TRPA1: variants seen among roughly 807,000 people sequenced by gnomAD.
The protein encoded by TRPA1 is transient receptor potential cation channel subfamily A member 1, also known as ankyrin-like with transmembrane domains 1.
A neutral mutation model predicts 131.3 loss-of-function variants in TRPA1; 129 were observed. That is an observed-to-expected ratio of 0.98 (90% CI 0.85 to 1.14). The LOEUF (loss-of-function observed/expected upper bound fraction) is 1.14, where lower values mean the gene tolerates loss of function less well. TRPA1 is among the 50% of genes most tolerant of loss of function. TRPA1 has a pLI of 0.00. For synonymous variants in TRPA1, 441 were observed against 451.7 expected, an observed-to-expected ratio of 0.98 and a Z score of 0.30; for missense variants, 1,304 against 1,354.2, an observed-to-expected ratio of 0.96 and a Z score of 0.58.
At chr8:72,079,312 A>T (rs1385021161), upstream of TRPA1, among the ~76,000 whole-genome samples, 1 of 152,122 alleles carries the variant, frequency 6.6e-6, no homozygotes, top group Non-Finnish European at 1.5e-5. Flanking sequence ...TTCAAAATTA[A>T]AAAGCTTCTC....
rs573219551 is a variant in TRPA1 at position 72,046,515 on chromosome 8, T to A, written c.2059A>T (p.Asn687Tyr). The A allele has an allele frequency of 6.0e-5, 93 of 1,558,882 alleles. No individual in the cohort carries two copies. The highest frequency in any genetic ancestry group is 7.7e-5 in the Non-Finnish European group (88 of 1,139,168). The change falls in exon 17 of 27, where the codon AAC becomes TAC. Residue 687 changes from asparagine (N) to tyrosine (Y), a missense_variant and splice_region_variant. Physicochemically the swap from Asn to Tyr is moderately radical, Grantham distance 143. Coordinates refer to ENST00000262209, the MANE Select transcript of TRPA1 (RefSeq NM_007332.3). ...GATAATGAAAACATTGAACTTACGT[T>A]GAGGGCTGTAAGCGGTTCATATATA... is the stretch of plus-strand genomic sequence containing the variant. The part of the protein sequence containing the change: ...DVIYEPLTAL[N>Y]AMVQNNRIEL...
chr8:72,028,089 C>T (rs1811670768), intron 24 of TRPA1, among the ~76,000 whole-genome samples: 1 of 152,168 alleles, frequency 6.6e-6, no homozygotes, highest in Non-Finnish European at 1.5e-5. Flanking sequence ...CATATCCATA[C>T]ACCTGGAGTC....
chr8:72,038,161 C>A, intron 19 of TRPA1, 89 bp from the exon 20 acceptor site: 1 of 632,386 alleles, frequency 1.6e-6, no homozygotes. Flanking sequence ...TTTCTTTTTT[C>A]TTTTTTTTTT....
At chr8:72,028,210 C>T (rs186431338) in intron 24 of TRPA1, among the ~76,000 whole-genome samples, 1 of 152,204 alleles carries the variant, frequency 6.6e-6, no homozygotes, top group African/African-American at 2.4e-5. Flanking sequence ...ATTTTCATTG[C>T]AGAAGGGCTG....
At chr8:72,084,721 G>T in the TRPA1 span, among the ~76,000 whole-genome samples, 1 of 129,090 alleles carries the variant, frequency 7.7e-6, no homozygotes, top group Admixed American at 9.1e-5. Flanking sequence ...GCATGATCTT[G>T]ACTCACTGCA....
chr8:72,047,479 A>G (rs1805364489), intron 15 of TRPA1, among the ~76,000 whole-genome samples: 1 of 152,164 alleles, frequency 6.6e-6, no homozygotes, highest in African/African-American at 2.4e-5. Flanking sequence ...TCTAGGCAAG[A>G]GATATTCCAC....
intron 24 of TRPA1, among the ~76,000 whole-genome samples, chr8:72,029,070 A>T (rs1175018921): frequency 1.3e-5 from 2 of 152,214 alleles, no homozygotes; most frequent in Non-Finnish European, 2.9e-5. Context: ...TATGACAGGA[A>T]GGCACCTCAC....
At chr8:72,067,410 T>C (rs1215954797) in intron 3 of TRPA1, among the ~76,000 whole-genome samples, 1 of 152,162 alleles carries the variant, frequency 6.6e-6, no homozygotes, top group Non-Finnish European at 1.5e-5. Flanking sequence ...TACTTAGAAC[T>C]CTATTTTTCT....
chr8:72,070,239 T>C (rs927149480), intron 2 of TRPA1, among the ~76,000 whole-genome samples: 16 of 152,166 alleles, frequency 1.1e-4, no homozygotes, highest in African/African-American at 2.4e-4. Flanking sequence ...CTTGGAACCA[T>C]ATAGCCATGT....
intron 14 of TRPA1, among the ~76,000 whole-genome samples, chr8:72,051,704 C>T (rs188974908): frequency 1.9e-4 from 29 of 152,012 alleles, no homozygotes; most frequent in African/African-American, 5.1e-4. Flanking sequence ...ACTGGGCCCT[C>T]GTGCATAACT....
At chr8:72,023,178 T>C in intron 26 of TRPA1, 62 bp from the exon 27 acceptor site, 2 of 1,407,834 alleles carry the variant, frequency 1.4e-6, no homozygotes, top group Non-Finnish European at 2.0e-6. Flanking sequence ...CTTCTGAATG[T>C]AGGAAGGCAT....
At chr8:72,088,476 T>A in the TRPA1 span, among the ~76,000 whole-genome samples, 2 of 151,864 alleles carry the variant, frequency 1.3e-5, no homozygotes, top group Non-Finnish European at 2.9e-5. Context: ...TTAGTTTCTG[T>A]GTAATTAAAA....
chr8:72,060,670 T>G (rs2129435989), intron 7 of TRPA1, among the ~76,000 whole-genome samples: 1 of 152,230 alleles, frequency 6.6e-6, no homozygotes, highest in South Asian at 2.1e-4. Context: ...GCCCTATTAT[T>G]TCTATTTTCT....
chr8:72,023,109 C>G lies in TRPA1; in HGVS notation c.3157G>C (p.Asp1053His). 6.2e-7 allele frequency: 1 copy of G among 1,612,874 alleles called. No individual in the cohort carries two copies. The highest frequency in any genetic ancestry group is 8.5e-7 in the Non-Finnish European group (1 of 1,179,632). ...EILKQKYRLK[D>H]LTFLLEKQHE... ...TGTTTTTCCAGGAGAAAAGTAAGAT[C>G]CTTCAGCCTAAAAGGACATACACAT... The change falls in exon 27 of 27, where the codon GAT (aspartate) becomes CAT (histidine). Residue 1053 changes from aspartate (D) to histidine (H), a missense_variant. By Grantham distance (81) the Asp-to-His change is moderately conservative. Transcript: ENST00000262209.
the TRPA1 span, among the ~76,000 whole-genome samples, chr8:72,084,345 T>C: frequency 6.6e-6 from 1 of 152,256 alleles, no homozygotes; most frequent in Middle Eastern, 3.4e-3. Context: ...AGTATCCTCA[T>C]AAATTTCTAA....
rs1392219000 is a variant in TRPA1 at position 72,023,481 on chromosome 8, T to C, written c.3149+333A>G. On this transcript the variant is annotated intron_variant, in intron 26 of 26. Coordinates refer to ENST00000262209, the MANE Select transcript of TRPA1 (RefSeq NM_007332.3). ...TCATGCTTAATGACTGCCCACCACA[T>C]AGTTACTCCAGGGATCTTCAGAAGC... The C allele has an allele frequency of 7.1e-6, 3 of 424,684 alleles. No homozygotes were observed. The East Asian group carries it at 1.4e-4, about 20-fold the overall frequency. 26.3% of individuals were successfully genotyped at this position (424,684 alleles called of 1,614,324 possible). A position where few individuals can be genotyped will look rare whatever the true frequency, so the allele number is the denominator to read the frequency against.
rs756639627 is a variant in TRPA1, at chr8:72,062,774, T to C, written c.807+25A>G. The stretch of plus-strand genomic sequence containing the variant: ...GTTTATGACAACTCTAAGATAAAAG[T>C]GTTATATAGAATATGAAGAGTTACC... On this transcript the variant is annotated intron_variant, in intron 6 of 26. Transcript: ENST00000262209. The C allele has an allele frequency of 1.9e-6, 3 of 1,610,598 alleles. No individual in the cohort carries two copies. The Admixed American group carries it at 5.0e-5, about 27-fold the overall frequency.
chr8:72,088,033 C>A, the TRPA1 span, among the ~76,000 whole-genome samples: 2 of 152,210 alleles, frequency 1.3e-5, no homozygotes, highest in African/African-American at 4.8e-5. Flanking sequence ...TGGGCAGACA[C>A]TTTTGCTGCC....
At position 72,029,897 on chromosome 8, in the gene TRPA1, T is replaced by C; in HGVS notation, c.2937+4A>G. 1 of 1,613,802 alleles carries C rather than the reference T, an allele frequency of 6.2e-7. No individual in the cohort carries two copies. Among genetic ancestry groups the C allele is most frequent in the Non-Finnish European group, 8.5e-7 (1 of 1,179,726 alleles). On this transcript the variant is annotated splice_donor_region_variant and intron_variant, in intron 24 of 26. Coordinates refer to ENST00000262209, the MANE Select transcript of TRPA1 (RefSeq NM_007332.3). Reference sequence around the variant, plus strand: ...TGTAATAAGTGGGGAGGCACTGCACTTACCTGCATAGCTATCCTCTTCAAT... The same window carrying C: ...TGTAATAAGTGGGGAGGCACTGCACCTACCTGCATAGCTATCCTCTTCAAT...
Sources: allele counts gnomAD v4.1 joint callset (sites outside exome capture counted in the v4.1 genomes callset), GRCh38; gene constraint gnomAD v4.1.1; transcripts MANE v1.5; gene names NCBI Gene and HGNC (gene_info 2026-07-23, HGNC 2026-07-21).